The following LAMA3 variants were observed in gnomAD, a reference collection of about 807,000 sequenced individuals.
The protein encoded by LAMA3 is laminin subunit alpha-3.
A neutral mutation model predicts 402.0 loss-of-function variants in LAMA3; 281 were observed. The ratio of observed to expected loss-of-function variants is 0.70; its 90% CI spans 0.63 to 0.77. The LOEUF (loss-of-function observed/expected upper bound fraction) is 0.77. LAMA3 is among the 30% of genes least tolerant of loss of function. The pLI is 0.00. For synonymous variants in LAMA3, 1,431 were observed against 1,558.4 expected (o/e 0.92, Z 1.93); for missense variants, 3,840 against 4,215.5 (o/e 0.91, Z 2.47).
chr18:23,936,967 G>T (rs2082328297), intron 67 of LAMA3, among the ~76,000 whole-genome samples: 1 of 152,208 alleles, frequency 6.6e-6, no homozygotes, highest in South Asian at 2.1e-4. Context: ...CAGCTGAAAA[G>T]ATTAAAGATT....
At chr18:23,701,240 G>T (rs910830703) in intron 1 of LAMA3, among the ~76,000 whole-genome samples, 1 of 152,202 alleles carries the variant, frequency 6.6e-6, no homozygotes, top group Admixed American at 6.5e-5. Flanking sequence ...AGCAAGGAAG[G>T]TGAGTACCTG....
chr18:23,813,311 A>G (rs905218278), intron 14 of LAMA3, among the ~76,000 whole-genome samples: 1 of 151,684 alleles, frequency 6.6e-6, no homozygotes, highest in Non-Finnish European at 1.5e-5. Context: ...TAAACTTGTT[A>G]CTCTGGAGTC....
At position 23,842,624 on chromosome 18, in the gene LAMA3, C is replaced by T; in HGVS notation, c.3477C>T (p.Ala1159=). Residue 1159 remains alanine, a synonymous_variant, in exon 29 of 75, where the codon GCC becomes GCT. Transcript: ENST00000313654. ...TCTCTCTGCCAGGCTCCTTCCATGC[C>T]TCTTTTTGCCCCCATGTGCTTGGCT... The part of the protein sequence containing the change: ...GGWPRAGSFH[A]SFCPHVLGCR... 1 of 1,614,226 alleles carries T rather than the reference C, an allele frequency of 6.2e-7. No homozygotes were observed. Among genetic ancestry groups the T allele is most frequent in the Non-Finnish European group, 8.5e-7 (1 of 1,180,042 alleles).
intron 70 of LAMA3, among the ~76,000 whole-genome samples, chr18:23,949,204 C>T (rs1326758672): frequency 6.6e-6 from 1 of 152,136 alleles, no homozygotes; most frequent in African/African-American, 2.4e-5. Context: ...CTGCAGCATT[C>T]GTGACTTGGT....
At chr18:23,733,565 G>T (rs1047415560) in intron 2 of LAMA3, among the ~76,000 whole-genome samples, 5 of 152,152 alleles carry the variant, frequency 3.3e-5, no homozygotes, top group African/African-American at 9.7e-5. Context: ...GTGGAATTAT[G>T]GGGGCTATAA....
At chr18:23,791,998 A>G (rs1339221750) in intron 12 of LAMA3, among the ~76,000 whole-genome samples, 1 of 152,172 alleles carries the variant, frequency 6.6e-6, no homozygotes, top group Non-Finnish European at 1.5e-5. Context: ...CCAAGTCACC[A>G]TGTGCAGATT....
intron 9 of LAMA3, among the ~76,000 whole-genome samples, chr18:23,774,403 A>T (rs1372875601): frequency 6.6e-6 from 1 of 152,218 alleles, no homozygotes; most frequent in Non-Finnish European, 1.5e-5. Context: ...AGGACATTGT[A>T]TTATTGTCCT....
At chr18:23,943,448 A>T (rs893454729) in intron 68 of LAMA3, among the ~76,000 whole-genome samples, 2 of 152,178 alleles carry the variant, frequency 1.3e-5, no homozygotes, top group African/African-American at 4.8e-5. Flanking sequence ...AGGTTAGCGT[A>T]TTTTACCCTA....
At position 23,919,571 on chromosome 18, in the gene LAMA3, C is replaced by G. The variant is rs565343031; in HGVS notation, c.7924-1364C>G. Among the ~76,000 whole-genome samples the G allele has an allele frequency of 1.2e-4, 18 of 152,278 alleles. No homozygotes were observed. In the South Asian group the frequency reaches 3.5e-3, roughly 30 times the overall value. ...ATGAGGATGTACAACATAAAAGACA[C>G]TTGAGCAAAGGAAATGCTTCCTCTG... On this transcript the variant is annotated intron_variant, in intron 60 of 74. Coordinates refer to ENST00000313654, the MANE Select transcript of LAMA3 (RefSeq NM_198129.4).
intron 12 of LAMA3, among the ~76,000 whole-genome samples, chr18:23,807,261 G>A (rs1388586621): frequency 6.6e-6 from 1 of 152,134 alleles, no homozygotes; most frequent in Non-Finnish European, 1.5e-5. Context: ...ACAGTCACTT[G>A]AGGCCAGGAG....
At chr18:23,810,568 A>G in intron 13 of LAMA3, 65 bp downstream of exon 13, 1 of 1,589,106 alleles carries the variant, frequency 6.3e-7, no homozygotes, top group Non-Finnish European at 8.6e-7. Flanking sequence ...CCAGCCTCCC[A>G]GAGAAGCCTG....
In LAMA3 at chr18:23,932,452, T is replaced by TA. The variant is rs565831499; in HGVS notation, c.8708+167dup. 2.4e-4 allele frequency: 183 copies of TA among 754,660 alleles called. 1 individual carries two copies. The African/African-American group carries it at 3.0e-3, about 12-fold the overall frequency. 46.7% of individuals were successfully genotyped at this position (754,660 alleles called of 1,614,324 possible). ...GCCATCTTTGGCAAGATACACCCAT[T>TA]AAAAAACCCATAAAAAACTCCTGGG... On this transcript the variant is annotated intron_variant, in intron 66 of 74. Transcript: ENST00000313654.
rs536474003 is a variant in LAMA3 at position 23,934,099 on chromosome 18, C to G, written c.8862+164C>G. 2.0e-5 allele frequency among the ~76,000 whole-genome samples: 3 copies of G among 152,292 alleles called. No homozygotes were observed. The South Asian group carries it at 6.2e-4, about 32-fold the overall frequency. ...CACACCAAAATGTCAAAATGGTTTT[C>G]TTTTTAGCTTGTATTTCGCATCTTG... On this transcript the variant is annotated intron_variant, in intron 67 of 74. Transcript: ENST00000313654.
At chr18:23,777,741 C>G in intron 11 of LAMA3, 122 bp downstream of exon 11, 1 of 790,080 alleles carries the variant, frequency 1.3e-6, no homozygotes, top group South Asian at 1.4e-5. Flanking sequence ...TGGTAGGTGC[C>G]TTGCAGGTGT....
At position 23,921,014 on chromosome 18, in the gene LAMA3, G is replaced by A; in HGVS notation, c.8003G>A (p.Arg2668Lys). 1 of 1,614,128 alleles carries A rather than the reference G, an allele frequency of 6.2e-7. No individual in the cohort carries two copies. Among genetic ancestry groups the A allele is most frequent in the Middle Eastern group, 1.6e-4 (1 of 6,062 alleles). The change falls in exon 61 of 75, where the codon AGA (arginine) becomes AAA (lysine). Residue 2668 changes from arginine to lysine, a missense_variant. Arg to Lys is a conservative substitution (Grantham distance 26). This residue lies in a region of LAMA3 where 840 missense variants were observed against 981.9 expected (regional missense o/e 0.86). Coordinates refer to ENST00000313654, the MANE Select transcript of LAMA3 (RefSeq NM_198129.4). ...YKLNSELPKE[R>K]GVGDAINNGR... ...CTGAATTCAGAGCTACCAAAAGAGA[G>A]AGGAGTTGGAGACGCCATAAACAAC... is the stretch of plus-strand genomic sequence containing the variant.
intron 18 of LAMA3, among the ~76,000 whole-genome samples, chr18:23,818,586 C>G (rs2063222733): frequency 6.6e-6 from 1 of 152,148 alleles, no homozygotes; most frequent in African/African-American, 2.4e-5. Flanking sequence ...TTCACGTTTG[C>G]TTTATTTTCT....
intron 44 of LAMA3, among the ~76,000 whole-genome samples, chr18:23,896,354 C>T (rs1165724167): frequency 6.6e-6 from 1 of 152,006 alleles, no homozygotes; most frequent in African/African-American, 2.4e-5. Context: ...AAAGCAAAAA[C>T]AAAAAACAAA....
At chr18:23,718,816 G>A (rs112531768) in intron 2 of LAMA3, among the ~76,000 whole-genome samples, 4 of 152,330 alleles carry the variant, frequency 2.6e-5, no homozygotes, top group African/African-American at 9.6e-5. Context: ...TTTGCTTCCT[G>A]CCTGAAGGCT....
chr18:23,689,946 C>T lies in LAMA3; in HGVS notation c.263C>T (p.Pro88Leu), dbSNP rs921024758. 2.0e-6 allele frequency: 3 copies of T among 1,521,576 alleles called. No homozygotes were observed. Among genetic ancestry groups the T allele is most frequent in the Admixed American group, 2.0e-5 (1 of 48,970 alleles). 94.3% of individuals were successfully genotyped at this position (1,521,576 alleles called of 1,614,324 possible). The change falls in exon 1 of 75, where the codon CCC (proline) becomes CTC (leucine). Residue 88 changes from proline to leucine, a missense_variant. Transcript: ENST00000313654. ...PELYCKLVGG[P>L]TAPGSGHTIQ... ...CTCTACTGCAAGTTGGTCGGGGGCC[C>T]CACCGCCCCAGGCAGCGGCCACACC... is the stretch of plus-strand genomic sequence containing the variant.
Sources: gnomAD v4.1 joint callset for allele counts (sites outside exome capture counted in the v4.1 genomes callset) on GRCh38, gnomAD v4.1.1 for gene constraint, gnomAD v4.1.1 regional missense constraint, MANE v1.5 for transcripts, NCBI Gene and HGNC (gene_info 2026-07-23, HGNC 2026-07-21) for gene names.